Variants in GTF2IRD1 observed in about 807,000 individuals in gnomAD.
GTF2IRD1 encodes the protein general transcription factor II-I repeat domain-containing protein 1.
Under a neutral mutation model 113.2 loss-of-function variants are expected in GTF2IRD1, and 26 were observed. The ratio of observed to expected loss-of-function variants is 0.23; its 90% CI spans 0.17 to 0.32. The LOEUF (loss-of-function observed/expected upper bound fraction) is 0.32, where lower values mean the gene tolerates loss of function less well. Ranked by LOEUF, GTF2IRD1 falls within the 10% of genes least tolerant of loss-of-function variation. The pLI is 1.00. For missense variants in GTF2IRD1, 864 were observed against 1,280.8 expected (o/e 0.67, Z 4.97); for synonymous variants, 484 against 529.1 (o/e 0.91, Z 1.17).
chr7:74,532,593 C>G (rs369222054), intron 9 of GTF2IRD1, among the ~76,000 whole-genome samples: 1 of 152,144 alleles, frequency 6.6e-6, no homozygotes, highest in Non-Finnish European at 1.5e-5. Flanking sequence ...CTGACTGTGT[C>G]TCCATCACTG....
intron 22 of GTF2IRD1, among the ~76,000 whole-genome samples, chr7:74,571,989 C>T (rs993317125): frequency 6.6e-6 from 1 of 152,192 alleles, no homozygotes; most frequent in African/African-American, 2.4e-5. Flanking sequence ...AGGCACAGGG[C>T]TGTGATCCCT....
intron 9 of GTF2IRD1, among the ~76,000 whole-genome samples, chr7:74,532,987 C>G (rs1554349269): frequency 6.6e-6 from 1 of 151,846 alleles, no homozygotes; most frequent in African/African-American, 2.4e-5. Flanking sequence ...CCACCAGGCA[C>G]CACCCTGGTG....
At chr7:74,561,085 A>G (rs1554358916) in intron 22 of GTF2IRD1, among the ~76,000 whole-genome samples, 7 of 152,022 alleles carry the variant, frequency 4.6e-5, no homozygotes. Context: ...ACGGTGGCTC[A>G]CACCTGTAAT....
chr7:74,489,967 A>ATT (rs1451918015), intron 1 of GTF2IRD1, among the ~76,000 whole-genome samples: 1 of 151,370 alleles, frequency 6.6e-6, no homozygotes, highest in African/African-American at 2.4e-5. Flanking sequence ...TGGAACTCAG[A>ATT]TTTTTTTTGT....
intron 22 of GTF2IRD1, among the ~76,000 whole-genome samples, chr7:74,574,806 C>T (rs115653208): frequency 0.074 from 11,231 of 151,404 alleles, 597 homozygotes; most frequent in African/African-American, 0.15. Flanking sequence ...AAAAAAAACC[C>T]GGCTGAGTGC....
At chr7:74,571,072 T>C (rs1554362549) in intron 22 of GTF2IRD1, 2 of 984,306 alleles carry the variant, frequency 2.0e-6, no homozygotes, top group South Asian at 9.4e-5. Flanking sequence ...CCCTGCCAGC[T>C]TGAGGGGACT....
rs144569793 is a variant in GTF2IRD1 at position 74,508,591 on chromosome 7, T to C, written c.123+388T>C. Among the ~76,000 whole-genome samples the C allele has an allele frequency of 8.3e-4, 124 of 149,436 alleles. 1 individual carries two copies. The highest frequency in any genetic ancestry group is 2.8e-3 in the African/African-American group (113 of 39,800). The stretch of plus-strand genomic sequence containing the variant: ...CTGTAATCCCAGCTACTTGGGAGGC[T>C]GAGGCAGGAGAATTGCTTGAACCTG... On this transcript the variant is annotated intron_variant, in intron 2 of 26. Coordinates refer to ENST00000424337, the MANE Select transcript of GTF2IRD1 (RefSeq NM_005685.4).
chr7:74,507,290 A>G (rs1554341348), intron 1 of GTF2IRD1: 1 of 152,106 alleles, frequency 6.6e-6, no homozygotes, highest in Non-Finnish European at 1.5e-5. Context: ...CCTGGCCAAC[A>G]TGGTGAAACC....
Position 74,521,224 on chromosome 7 carries a change from G to T in GTF2IRD1, c.933G>T (p.Gly311=), listed in dbSNP as rs1797276450. ...CTTGTCCAGGACAGAAGCCCACTGG[G>T]CCTGGTGGGCCTCTCATCCAGAACG... ...FSDCCGQKPT[G]PGGPLIQNVH... The change falls in exon 7 of 27, where the codon GGG becomes GGT. Residue 311 remains glycine (G), a synonymous_variant. Coordinates refer to ENST00000424337, the MANE Select transcript of GTF2IRD1 (RefSeq NM_005685.4). 1.2e-6 allele frequency: 2 copies of T among 1,604,580 alleles called. No individual in the cohort carries two copies. Among genetic ancestry groups the T allele is most frequent in the African/African-American group, 2.7e-5 (2 of 74,820 alleles).
In GTF2IRD1 at chr7:74,512,979, C is replaced by T. The variant is rs781793598; in HGVS notation, c.265+8C>T. 1 of 1,612,114 alleles carries T rather than the reference C, an allele frequency of 6.2e-7. No individual in the cohort carries two copies. The highest frequency in any genetic ancestry group is 1.1e-5 in the South Asian group (1 of 90,966). On this transcript the variant is annotated splice_region_variant and intron_variant, in intron 3 of 26. Coordinates refer to ENST00000424337, the MANE Select transcript of GTF2IRD1 (RefSeq NM_005685.4). The surrounding 1 kb of genome is among the most constrained non-coding windows in gnomAD (Gnocchi z 4.4). ...ACTTCCTCAGGTTCTGCCGTGAGTA[C>T]CCCAGGGCTCCGGAGGGCCGGGCCC...
At chr7:74,539,243 C>T (rs1798486262) in intron 13 of GTF2IRD1, among the ~76,000 whole-genome samples, 1 of 152,088 alleles carries the variant, frequency 6.6e-6, no homozygotes, top group Admixed American at 6.6e-5. Flanking sequence ...GCCAGGAGTT[C>T]AAGACCAGCC....
Position 74,542,097 on chromosome 7 carries a change from A to G in GTF2IRD1, c.1618+2129A>G, listed in dbSNP as rs587679726. Among the ~76,000 whole-genome samples, 66 of 135,942 alleles carry G rather than the reference A, an allele frequency of 4.9e-4. No homozygotes were observed. In the East Asian group the frequency reaches 0.012, roughly 24 times the overall value. The allele number at this position is 135,942 out of a possible 152,430, so 89.2% of individuals were successfully genotyped here. A position where few individuals can be genotyped will look rare whatever the true frequency, so the allele number is the denominator to read the frequency against. ...GGTGCCACAGCAAGACACCATCTCA[A>G]AAAAAAAAAACAAAAATAGGCTGGG... On this transcript the variant is annotated intron_variant, in intron 14 of 26. Coordinates refer to ENST00000424337, the MANE Select transcript of GTF2IRD1 (RefSeq NM_005685.4).
chr7:74,482,434 T>C (rs116206609), intron 1 of GTF2IRD1, among the ~76,000 whole-genome samples: 3,339 of 151,848 alleles, frequency 0.022, 120 homozygotes, highest in African/African-American at 0.076. Flanking sequence ...CTCTGTGTTG[T>C]CCAGGCTGGT....
chr7:74,542,188 GT>G (rs1798674632), intron 14 of GTF2IRD1, among the ~76,000 whole-genome samples: 1 of 151,940 alleles, frequency 6.6e-6, no homozygotes, highest in Non-Finnish European at 1.5e-5. Context: ...GAGGCCAGGA[GT>G]TCAAGATCAG....
At chr7:74,592,341 G>T (rs1241052700) in intron 24 of GTF2IRD1, among the ~76,000 whole-genome samples, 4 of 151,742 alleles carry the variant, frequency 2.6e-5, no homozygotes, top group African/African-American at 7.3e-5. Context: ...CTGACCTCAG[G>T]TGATCCACCT....
chr7:74,528,361 C>T lies in GTF2IRD1; in HGVS notation c.1091-1373C>T, dbSNP rs587645861. Among the ~76,000 whole-genome samples, 231 of 152,216 alleles carry T rather than the reference C, an allele frequency of 1.5e-3. 1 individual carries two copies. The highest frequency in any genetic ancestry group is 5.8e-3 in the South Asian group (28 of 4,814). ...AAGTAGCTGGGACTACAGGCCCAAG[C>T]CCGGCTAATTTTTTGTATTTTTATA... On this transcript the variant is annotated intron_variant, in intron 8 of 26. Coordinates refer to ENST00000424337, the MANE Select transcript of GTF2IRD1 (RefSeq NM_005685.4).
chr7:74,507,308 T>G (rs1173505334), intron 1 of GTF2IRD1: 3 of 151,986 alleles, frequency 2.0e-5, no homozygotes, highest in African/African-American at 7.3e-5. Context: ...ACCCCATCTC[T>G]ACTAAAAATA....
intron 1 of GTF2IRD1, among the ~76,000 whole-genome samples, chr7:74,504,817 C>T (rs1796220435): frequency 6.6e-6 from 1 of 151,192 alleles, no homozygotes; most frequent in African/African-American, 2.4e-5. Context: ...CAGCGATTCT[C>T]CTGCCTCAGA....
At chr7:74,465,613 T>A (rs1793658487) in intron 1 of GTF2IRD1, among the ~76,000 whole-genome samples, 1 of 152,114 alleles carries the variant, frequency 6.6e-6, no homozygotes, top group African/African-American at 2.4e-5. Context: ...TGTCAGCTTG[T>A]CACGTGATGA....
Sources: gnomAD v4.1 joint callset for allele counts (sites outside exome capture counted in the v4.1 genomes callset) on GRCh38, gnomAD v4.1.1 for gene constraint, Gnocchi (gnomAD v3.1) non-coding constraint, MANE v1.5 for transcripts, NCBI Gene and HGNC (gene_info 2026-07-23, HGNC 2026-07-21) for gene names.